PALLD: variants seen among roughly 807,000 people sequenced by gnomAD.
The protein encoded by PALLD is palladin.
In PALLD, 61 loss-of-function variants were observed where a neutral mutation model predicts 123.5. That is an observed-to-expected ratio of 0.49 (90% confidence interval 0.40 to 0.61). The LOEUF (loss-of-function observed/expected upper bound fraction) is 0.61. Ranked by LOEUF, PALLD falls within the 20% of genes least tolerant of loss-of-function variation. The pLI, the probability that PALLD is intolerant of heterozygous loss-of-function variation, is 0.00. For missense variants in PALLD, 1,273 were observed against 1,377.0 expected (o/e 0.92, Z 1.20); for synonymous variants, 465 against 496.4 (o/e 0.94, Z 0.84).
intron 7 of PALLD, 70 bp from the exon 8 acceptor site, chr4:168,691,199 G>T (rs1782587146): frequency 1.8e-6 from 2 of 1,138,754 alleles, no homozygotes; most frequent in African/African-American, 1.5e-5. Flanking sequence ...GAACAAGTAG[G>T]TTTTTTTTAA....
chr4:168,713,631 A>AG (rs1366511805), intron 10 of PALLD, among the ~76,000 whole-genome samples: 22 of 152,316 alleles, frequency 1.4e-4, no homozygotes, highest in Non-Finnish European at 2.5e-4. Flanking sequence ...GTATATGGCA[A>AG]GGGGGTAATA....
rs70961550 is a variant in PALLD, at chr4:168,685,810, GAAAAAAAAA to G, written c.1335+268_1335+276del. Among the ~76,000 whole-genome samples the G allele has an allele frequency of 3.1e-3, 202 of 65,674 alleles. 3 individuals carry two copies. The Admixed American group carries it at 0.035, about 11-fold the overall frequency. 43.1% of individuals were successfully genotyped at this position (65,674 alleles called of 152,430 possible). On this transcript the variant is annotated intron_variant, in intron 6 of 21. Coordinates refer to ENST00000505667, the MANE Select transcript of PALLD (RefSeq NM_001166108.2). ...TCTAGTGGGAAAGCCAAGACAGATA[GAAAAAAAAA>G]AAAAAAAAAAAAAAAACCTGCTGTG... is the stretch of plus-strand genomic sequence containing the variant.
intron 10 of PALLD, among the ~76,000 whole-genome samples, chr4:168,735,543 CAG>C (rs1787662385): frequency 6.6e-6 from 1 of 152,168 alleles, no homozygotes; most frequent in Non-Finnish European, 1.5e-5. Context: ...CAACCTGAGG[CAG>C]AGTGTCAGAA....
chr4:168,536,636 G>GC (rs1765118050), intron 2 of PALLD: 1 of 152,166 alleles, frequency 6.6e-6, no homozygotes, highest in Non-Finnish European at 1.5e-5. Flanking sequence ...GCGAGGAAGA[G>GC]CCCCTTATAA....
chr4:168,764,556 T>G (rs2150463279), intron 10 of PALLD, among the ~76,000 whole-genome samples: 1 of 152,268 alleles, frequency 6.6e-6, no homozygotes, highest in South Asian at 2.1e-4. Context: ...TAGCTCCGAC[T>G]ACAGATGTGT....
At chr4:168,625,158 A>C (rs1775113632) in intron 2 of PALLD, among the ~76,000 whole-genome samples, 1 of 152,102 alleles carries the variant, frequency 6.6e-6, no homozygotes, top group South Asian at 2.1e-4. Context: ...ATATTAAGAA[A>C]ATATTAAAAA....
chr4:168,922,100 TATACACACACACACACACAC>T (rs1017070173), intron 18 of PALLD, among the ~76,000 whole-genome samples: 7 of 96,632 alleles, frequency 7.2e-5, no homozygotes, highest in African/African-American at 1.1e-4. Flanking sequence ...TATATATATA[TATACACACACACACACACAC>T]ACACACACAC....
At chr4:168,611,239 C>T (rs1435265573) in intron 2 of PALLD, among the ~76,000 whole-genome samples, 1 of 152,260 alleles carries the variant, frequency 6.6e-6, no homozygotes, top group Non-Finnish European at 1.5e-5. Flanking sequence ...GCTGCCACAA[C>T]TGCTCCTTCC....
chr4:168,803,336 T>C (rs1739636879), intron 10 of PALLD, among the ~76,000 whole-genome samples: 1 of 151,802 alleles, frequency 6.6e-6, no homozygotes, highest in African/African-American at 2.4e-5. Flanking sequence ...CCAGATCTTG[T>C]GAGAAGTCAC....
intron 2 of PALLD, among the ~76,000 whole-genome samples, chr4:168,605,464 A>G (rs997706761): frequency 1.3e-5 from 2 of 152,168 alleles, no homozygotes; most frequent in African/African-American, 4.8e-5. Flanking sequence ...CATGAAAAAA[A>G]TGCCCCCACC....
chr4:168,832,053 G>C (rs990923257), intron 10 of PALLD: 8 of 985,290 alleles, frequency 8.1e-6, no homozygotes, highest in Middle Eastern at 5.2e-4. Context: ...TGAGTCACCC[G>C]GCGGGCGAGG....
At chr4:168,900,700 C>T (rs1327086231) in intron 14 of PALLD, among the ~76,000 whole-genome samples, 1 of 152,162 alleles carries the variant, frequency 6.6e-6, no homozygotes, top group East Asian at 1.9e-4. Flanking sequence ...ACCCTATATA[C>T]TTCCTAATAA....
intron 10 of PALLD, among the ~76,000 whole-genome samples, chr4:168,758,730 T>G (rs1472699286): frequency 5.9e-5 from 9 of 152,116 alleles, no homozygotes; most frequent in African/African-American, 1.4e-4. Flanking sequence ...CAGTAAATTT[T>G]AAATGTTTTA....
intron 10 of PALLD, among the ~76,000 whole-genome samples, chr4:168,847,159 T>C (rs1250038268): frequency 1.3e-5 from 2 of 152,330 alleles, no homozygotes; most frequent in East Asian, 3.9e-4. Flanking sequence ...TTTATACCCA[T>C]TAAAATGTCA....
intron 10 of PALLD, among the ~76,000 whole-genome samples, chr4:168,804,647 C>T (rs1739876683): frequency 6.6e-6 from 1 of 152,204 alleles, no homozygotes; most frequent in Non-Finnish European, 1.5e-5. Flanking sequence ...GGCATGTACC[C>T]ACACCTGACC....
chr4:168,815,394 A>G lies in PALLD; in HGVS notation c.1965-75528A>G, dbSNP rs371090218. 5.3e-4 allele frequency among the ~76,000 whole-genome samples: 81 copies of G among 152,372 alleles called. 4 individuals are homozygous for G. In the South Asian group the frequency reaches 0.016, roughly 29 times the overall value. On this transcript the variant is annotated intron_variant, in intron 10 of 21. Transcript: ENST00000505667. Reference sequence around the variant, plus strand: ...GGCTCGTTGAGATTCTAACTGGTGGAAATAGTTGAAAGTATATTTGTCACT... The same window carrying G: ...GGCTCGTTGAGATTCTAACTGGTGGGAATAGTTGAAAGTATATTTGTCACT...
intron 10 of PALLD, among the ~76,000 whole-genome samples, chr4:168,790,200 C>T (rs1186912996): frequency 6.8e-6 from 1 of 147,034 alleles, no homozygotes; most frequent in Non-Finnish European, 1.5e-5. Context: ...CTTGCTCTGT[C>T]ACCCAGGCTG....
intron 10 of PALLD, among the ~76,000 whole-genome samples, chr4:168,867,803 G>A (rs1285633949): frequency 6.6e-6 from 1 of 151,222 alleles, no homozygotes; most frequent in East Asian, 1.9e-4. Context: ...ATCTCCCTGT[G>A]TCTCCATCTA....
At chr4:168,504,945 G>A (rs7435411) in intron 1 of PALLD, 60,172 of 151,998 alleles carry the variant, frequency 0.4, 12,852 homozygotes, top group East Asian at 0.55. Context: ...CTATCACACC[G>A]GCATAGAATT....
Sources: gnomAD v4.1 joint callset for allele counts (sites outside exome capture counted in the v4.1 genomes callset) on GRCh38, gnomAD v4.1.1 for gene constraint, MANE v1.5 for transcripts, NCBI Gene and HGNC (gene_info 2026-07-23, HGNC 2026-07-21) for gene names.